The following TCF12 variants were observed in gnomAD, a reference collection of about 807,000 sequenced individuals.
TCF12 encodes the protein DNA-binding protein HTF4.
TCF12 carries 45 observed loss-of-function variants against 86.0 expected under a neutral mutation model. The ratio of observed to expected loss-of-function variants is 0.52; its 90% CI spans 0.41 to 0.67. TCF12 has a LOEUF of 0.67. TCF12 is among the 30% of genes least tolerant of loss of function. The pLI, the probability that TCF12 is intolerant of heterozygous loss-of-function variation, is 0.00. For synonymous variants in TCF12, 330 were observed against 299.6 expected (o/e 1.10, Z -1.05); for missense variants, 881 against 859.9 (o/e 1.02, Z -0.31).
At chr15:56,986,849 A>G (rs1376446546) in intron 3 of TCF12, among the ~76,000 whole-genome samples, 4 of 152,208 alleles carry the variant, frequency 2.6e-5, no homozygotes, top group African/African-American at 9.6e-5. Flanking sequence ...TTCTGACAAA[A>G]TTAGTTACAT....
intron 12 of TCF12, among the ~76,000 whole-genome samples, chr15:57,240,620 G>A (rs988440924): frequency 1.3e-5 from 2 of 152,078 alleles, no homozygotes; most frequent in African/African-American, 4.8e-5. Context: ...AATGGCTCAC[G>A]CCTGTAATCC....
chr15:57,200,724 CTT>C (rs1352645260), intron 8 of TCF12, among the ~76,000 whole-genome samples: 8 of 152,276 alleles, frequency 5.3e-5, no homozygotes, highest in South Asian at 2.1e-4. Flanking sequence ...TGATTAGAGA[CTT>C]TTTTTGTAAA....
chr15:57,110,823 T>C (rs753260351), intron 5 of TCF12, among the ~76,000 whole-genome samples: 5 of 152,212 alleles, frequency 3.3e-5, no homozygotes, highest in Non-Finnish European at 5.9e-5. Context: ...TGCCAACTGA[T>C]GTTAAAAAGA....
chr15:57,153,562 G>A (rs1274786973), intron 5 of TCF12, among the ~76,000 whole-genome samples: 1 of 152,082 alleles, frequency 6.6e-6, no homozygotes, highest in Non-Finnish European at 1.5e-5. Context: ...AGCAAAATTA[G>A]TACATTATAT....
intron 3 of TCF12, among the ~76,000 whole-genome samples, chr15:57,050,845 C>G (rs1161002599): frequency 1.3e-5 from 2 of 152,070 alleles, no homozygotes; most frequent in Non-Finnish European, 2.9e-5. Flanking sequence ...CTTGTCAGTG[C>G]TAGAATTTTC....
chr15:57,083,392 TTCTC>T (rs1454721630), intron 4 of TCF12, among the ~76,000 whole-genome samples: 1 of 152,162 alleles, frequency 6.6e-6, no homozygotes, highest in African/African-American at 2.4e-5. Context: ...TTTTTGTACA[TTCTC>T]TCGTTTCTAC....
rs2062002326 is a variant in TCF12, at chr15:57,288,439, G to T, written c.*2294G>T. 6.6e-6 allele frequency: 1 copy of T among 152,482 alleles called. No homozygotes were observed. The highest frequency in any genetic ancestry group is 2.4e-5 in the African/African-American group (1 of 41,398). 9.4% of individuals were successfully genotyped at this position (152,482 alleles called of 1,614,324 possible). A position where few individuals can be genotyped will look rare whatever the true frequency, so the allele number is the denominator to read the frequency against. On this transcript the variant is annotated 3_prime_UTR_variant, in exon 21 of 21. Coordinates refer to ENST00000333725, the MANE Select transcript of TCF12 (RefSeq NM_207037.2). ...CAGCAAGAAGTTCAAATTTTTTTCT[G>T]TCACTGTAACAGAAAACACAATATG...
At position 56,984,249 on chromosome 15, in the gene TCF12, GGTGTGTGTGTGTGTGTGT is replaced by G. The variant is rs56221122; in HGVS notation, c.148+63179_148+63196del. Among the ~76,000 whole-genome samples the G allele has an allele frequency of 3.0e-3, 374 of 123,070 alleles. 3 individuals are homozygous for G. Among genetic ancestry groups the G allele is most frequent in the African/African-American group, 0.011 (348 of 32,594 alleles). The allele number at this position is 123,070 out of a possible 152,430, so 80.7% of individuals were successfully genotyped here. On this transcript the variant is annotated intron_variant, in intron 3 of 20. Coordinates refer to ENST00000333725, the MANE Select transcript of TCF12 (RefSeq NM_207037.2). ...ACAAATTTAGGAAAAGCATGTGCAT[GGTGTGTGTGTGTGTGTGT>G]GTGTGTGTGTGTGTGTGTGTGTGTG...
At position 57,092,613 on chromosome 15, in the gene TCF12, T is replaced by G. The variant is rs112290616; in HGVS notation, c.325+722T>G. 6.7e-3 allele frequency among the ~76,000 whole-genome samples: 1,028 copies of G among 152,316 alleles called. 12 individuals carry two copies. The highest frequency in any genetic ancestry group is 0.011 in the Non-Finnish European group (742 of 68,020). ...TTTTCAGTTTGAATACCATTTTTTT[T>G]TGTGTAAATATTTTACCCTTTTGCA... On this transcript the variant is annotated intron_variant, in intron 5 of 20. Transcript: ENST00000333725.
downstream of TCF12, chr15:57,290,934 A>G (rs1459238316): frequency 6.6e-6 from 1 of 152,152 alleles, no homozygotes; most frequent in African/African-American, 2.4e-5. Flanking sequence ...AGTCACTGAG[A>G]CAATAGCTGA....
chr15:57,043,342 A>G (rs1247994904), intron 3 of TCF12, among the ~76,000 whole-genome samples: 1 of 152,090 alleles, frequency 6.6e-6, no homozygotes, highest in African/African-American at 2.4e-5. Flanking sequence ...TTCTATTTTT[A>G]ATTTTTTAAG....
intron 3 of TCF12, among the ~76,000 whole-genome samples, chr15:56,963,968 C>G (rs376464945): frequency 6.6e-6 from 1 of 152,064 alleles, no homozygotes; most frequent in Admixed American, 6.5e-5. Context: ...GGTGTGTTGA[C>G]AGGAAAGGAA....
At chr15:56,940,208 T>C (rs1221625514) in intron 3 of TCF12, among the ~76,000 whole-genome samples, 1 of 152,024 alleles carries the variant, frequency 6.6e-6, no homozygotes, top group African/African-American at 2.4e-5. Flanking sequence ...TCTAGTATTA[T>C]AGTCAATGTG....
At chr15:57,107,851 T>G (rs2050237857) in intron 5 of TCF12, among the ~76,000 whole-genome samples, 1 of 152,212 alleles carries the variant, frequency 6.6e-6, no homozygotes, top group African/African-American at 2.4e-5. Flanking sequence ...AAGACCGCAG[T>G]GAGCGATGAT....
At chr15:57,215,668 A>C (rs2058303110) in intron 8 of TCF12, among the ~76,000 whole-genome samples, 1 of 152,176 alleles carries the variant, frequency 6.6e-6, no homozygotes. Context: ...TTAACCACTA[A>C]CTGGCCTATG....
intron 5 of TCF12, among the ~76,000 whole-genome samples, chr15:57,156,910 G>A (rs1029984698): frequency 2.6e-5 from 4 of 152,208 alleles, no homozygotes. Flanking sequence ...GACGAGCATT[G>A]ATACAAGGAT....
intron 8 of TCF12, among the ~76,000 whole-genome samples, chr15:57,203,435 A>AT (rs1326746824): frequency 6.6e-6 from 1 of 152,238 alleles, no homozygotes; most frequent in East Asian, 1.9e-4. Context: ...GAAGCAAGAT[A>AT]TATCAGAACA....
intron 7 of TCF12, among the ~76,000 whole-genome samples, chr15:57,194,373 C>G (rs2057140827): frequency 8.6e-6 from 1 of 116,434 alleles, no homozygotes; most frequent in Non-Finnish European, 2.2e-5. Context: ...ATAATTTGGC[C>G]AAGGCTTGAG....
At chr15:57,012,546 T>A (rs1306289578) in intron 3 of TCF12, among the ~76,000 whole-genome samples, 1 of 151,898 alleles carries the variant, frequency 6.6e-6, no homozygotes, top group African/African-American at 2.4e-5. Context: ...TGAGATAGAG[T>A]TTAGTGTGCA....
Sources: allele counts gnomAD v4.1 joint callset (sites outside exome capture counted in the v4.1 genomes callset), GRCh38; gene constraint gnomAD v4.1.1; transcripts MANE v1.5; gene names NCBI Gene and HGNC (gene_info 2026-07-23, HGNC 2026-07-21).